The following TRAK1 variants were observed in gnomAD, a reference collection of about 807,000 sequenced individuals.
The protein encoded by TRAK1 is trafficking kinesin-binding protein 1.
Under a neutral mutation model 92.1 loss-of-function variants are expected in TRAK1, and 33 were observed. The observed-to-expected ratio is 0.36, with a 90% CI of 0.27 to 0.48. The LOEUF (loss-of-function observed/expected upper bound fraction) is 0.48, where lower values mean the gene tolerates loss of function less well. TRAK1 is among the 20% of genes least tolerant of loss of function. The pLI is 0.99. For synonymous variants in TRAK1, 521 were observed against 517.3 expected (o/e 1.01, Z -0.10); for missense variants, 1,123 against 1,257.9 (o/e 0.89, Z 1.62).
chr3:42,178,811 C>CA (rs1703577083), intron 3 of TRAK1, among the ~76,000 whole-genome samples: 1 of 151,914 alleles, frequency 6.6e-6, no homozygotes, highest in African/African-American at 2.4e-5. Context: ...CATGTGTCTA[C>CA]AAAAAATACA....
At chr3:42,211,209 G>T (rs1295531423) in intron 14 of TRAK1, 2 of 985,292 alleles carry the variant, frequency 2.0e-6, no homozygotes, top group Non-Finnish European at 2.4e-6. Context: ...GGAAAGAGCT[G>T]AGGTTCTTGG....
chr3:42,061,822 G>C (rs1703455833), intron 1 of TRAK1, among the ~76,000 whole-genome samples: 1 of 152,208 alleles, frequency 6.6e-6, no homozygotes, highest in South Asian at 2.1e-4. Context: ...GCATGGATTT[G>C]AGCTTTATTC....
intron 1 of TRAK1, among the ~76,000 whole-genome samples, chr3:42,103,189 A>T (rs1041435324): frequency 6.6e-6 from 1 of 151,638 alleles, no homozygotes; most frequent in Non-Finnish European, 1.5e-5. Flanking sequence ...TTCTTTTGAG[A>T]TGAAGTCTCC....
chr3:42,044,073 T>C (rs1232590044), intron 1 of TRAK1, among the ~76,000 whole-genome samples: 2 of 152,246 alleles, frequency 1.3e-5, no homozygotes, highest in Non-Finnish European at 2.9e-5. Context: ...TGATTTTGGA[T>C]CTTAAAACTG....
intron 13 of TRAK1, chr3:42,203,100 G>T (rs974373082): frequency 1.6e-6 from 2 of 1,231,080 alleles, no homozygotes; most frequent in Admixed American, 8.4e-5. Flanking sequence ...AAATTAATTA[G>T]GTTTTGCCTG....
At chr3:42,066,533 T>C (rs979465337) in intron 1 of TRAK1, among the ~76,000 whole-genome samples, 13 of 148,354 alleles carry the variant, frequency 8.8e-5, no homozygotes, top group African/African-American at 2.5e-4. Flanking sequence ...AGTGGGACCT[T>C]CCGCCGTTGG....
At chr3:42,086,992 T>C (rs1704709224), upstream of TRAK1, 4 of 152,234 alleles carry the variant, frequency 2.6e-5, no homozygotes, top group South Asian at 8.3e-4. Context: ...GAGAAACGCG[T>C]TTCAGAATTC....
At position 42,184,739 on chromosome 3, in the gene TRAK1, A is replaced by G. The variant is rs1453603971; in HGVS notation, c.418A>G (p.Asn140Asp). ...CATCGGCCAGTCGTTGTTGAAGAAG[A>G]ACAAGACCCTAACCGAGAGGAACGA... ...ARIGQSLLKK[N>D]KTLTERNELL... Residue 140 changes from asparagine to aspartate, a missense_variant, in exon 4 of 16, where the codon AAC becomes GAC. Physicochemically the swap from Asn to Asp is conservative, Grantham distance 23. Coordinates refer to ENST00000327628, the MANE Select transcript of TRAK1 (RefSeq NM_001042646.3). The G allele has an allele frequency of 3.1e-6, 5 of 1,614,058 alleles. No individual in the cohort carries two copies. The highest frequency in any genetic ancestry group is 4.2e-6 in the Non-Finnish European group (5 of 1,180,034).
chr3:42,162,548 G>A (rs1243744487), intron 2 of TRAK1, among the ~76,000 whole-genome samples: 1 of 152,138 alleles, frequency 6.6e-6, no homozygotes, highest in African/African-American at 2.4e-5. Flanking sequence ...CACAGAAGGT[G>A]GGGGAAGAGG....
chr3:42,212,635 TTTTAC>T (rs1338379345), intron 14 of TRAK1: 7 of 793,568 alleles, frequency 8.8e-6, no homozygotes, highest in Admixed American at 1.2e-4. Flanking sequence ...TAGATTATAG[TTTTAC>T]TTTATTTCAG....
intron 14 of TRAK1, among the ~76,000 whole-genome samples, chr3:42,212,965 T>G (rs993536599): frequency 2.0e-5 from 3 of 152,144 alleles, no homozygotes; most frequent in African/African-American, 7.2e-5. Flanking sequence ...TGAGGGGAGA[T>G]ATCCTCAAAA....
rs758494487 is a variant in TRAK1 at position 42,223,788 on chromosome 3, T to TG, written c.*52dup. 6.5e-7 allele frequency: 1 copy of TG among 1,545,704 alleles called. No individual in the cohort carries two copies. Among genetic ancestry groups the TG allele is most frequent in the African/African-American group, 1.4e-5 (1 of 73,420 alleles). On this transcript the variant is annotated 3_prime_UTR_variant, in exon 16 of 16. Transcript: ENST00000327628. This position sits in a 1 kb window ranked among gnomAD's most constrained non-coding sequence, Gnocchi z 6.1. Reference sequence around the variant, plus strand: ...AGAGGAGACCCACGTTCTCCTCTCTTGCTCCCACCTCCCTCTCTTCCCCCC... The same window carrying TG: ...AGAGGAGACCCACGTTCTCCTCTCTTGGCTCCCACCTCCCTCTCTTCCCCCC...
chr3:42,043,121 T>G (rs762471441), intron 1 of TRAK1, among the ~76,000 whole-genome samples: 1 of 152,070 alleles, frequency 6.6e-6, no homozygotes, highest in Non-Finnish European at 1.5e-5. Context: ...TCTGCAGACA[T>G]CTCCAAGCTT....
At chr3:42,151,504 C>T in intron 2 of TRAK1, 1 of 350,380 alleles carries the variant, frequency 2.9e-6, no homozygotes, top group South Asian at 2.2e-5. Context: ...AATACTTGTC[C>T]TTTATCATCT....
chr3:42,029,313 A>G (rs1188585035), intron 1 of TRAK1, among the ~76,000 whole-genome samples: 1 of 152,200 alleles, frequency 6.6e-6, no homozygotes, highest in Admixed American at 6.5e-5. Context: ...GTCTCAGCTC[A>G]TGGGAGCATC....
chr3:42,053,887 G>T (rs1361754839), intron 1 of TRAK1, among the ~76,000 whole-genome samples: 1 of 152,146 alleles, frequency 6.6e-6, no homozygotes, highest in Admixed American at 6.5e-5. Context: ...CAATCAGTCT[G>T]CCCTACTCTG....
intron 1 of TRAK1, among the ~76,000 whole-genome samples, chr3:42,019,447 T>A (rs569803935): frequency 2.4e-4 from 36 of 152,262 alleles, no homozygotes; most frequent in South Asian, 4.1e-4. Context: ...TTTTCTTTTT[T>A]AAATTTTTTT....
At chr3:42,018,125 AG>A (rs1701596649) in intron 1 of TRAK1, among the ~76,000 whole-genome samples, 1 of 150,268 alleles carries the variant, frequency 6.7e-6, no homozygotes, top group African/African-American at 2.4e-5. Context: ...AAAATTAGTC[AG>A]GTGTGGTGAT....
chr3:42,098,199 T>G (rs1706226245), intron 1 of TRAK1, among the ~76,000 whole-genome samples: 1 of 152,094 alleles, frequency 6.6e-6, no homozygotes, highest in South Asian at 2.1e-4. Context: ...TCCTCTTCCT[T>G]GAAGAAACAA....
Sources: allele counts gnomAD v4.1 joint callset (sites outside exome capture counted in the v4.1 genomes callset), GRCh38; gene constraint gnomAD v4.1.1; non-coding constraint Gnocchi (gnomAD v3.1); transcripts MANE v1.5; gene names NCBI Gene and HGNC (gene_info 2026-07-23, HGNC 2026-07-21).